DPYD: variants seen among roughly 807,000 people sequenced by gnomAD.
The protein encoded by DPYD is dihydropyrimidine dehydrogenase [NADP(+)].
A neutral mutation model predicts 116.2 loss-of-function variants in DPYD; 109 were observed. The observed-to-expected ratio is 0.94, with a 90% CI of 0.80 to 1.10. The LOEUF (loss-of-function observed/expected upper bound fraction) is 1.10, where lower values mean the gene tolerates loss of function less well. Ranked by LOEUF, DPYD falls within the 50% of genes least tolerant of loss-of-function variation. DPYD has a pLI of 0.00. For synonymous variants in DPYD, 440 were observed against 432.0 expected (o/e 1.02, Z -0.23); for missense variants, 1,302 against 1,254.5 (o/e 1.04, Z -0.57).
At chr1:97,425,572 A>G (rs1674819579) in intron 14 of DPYD, among the ~76,000 whole-genome samples, 1 of 152,134 alleles carries the variant, frequency 6.6e-6, no homozygotes, top group African/African-American at 2.4e-5. Context: ...GAAATTTAGA[A>G]AAGGTCTTTT....
chr1:97,409,815 C>T (rs1243737317), intron 14 of DPYD, among the ~76,000 whole-genome samples: 2 of 152,130 alleles, frequency 1.3e-5, no homozygotes, highest in South Asian at 2.1e-4. Flanking sequence ...AACTACAGGG[C>T]CAGGCACAAT....
At chr1:97,522,401 C>T (rs901276479) in intron 12 of DPYD, among the ~76,000 whole-genome samples, 1 of 152,086 alleles carries the variant, frequency 6.6e-6, no homozygotes, top group African/African-American at 2.4e-5. Context: ...CATATCTTAA[C>T]CAAATTATTA....
intron 3 of DPYD, among the ~76,000 whole-genome samples, chr1:97,774,174 G>A (rs192720183): frequency 6.6e-6 from 1 of 152,172 alleles, no homozygotes; most frequent in Non-Finnish European, 1.5e-5. Flanking sequence ...CTGTGAGGGG[G>A]ATAAGAGAAC....
chr1:97,084,548 C>T (rs1649380536), intron 21 of DPYD, among the ~76,000 whole-genome samples: 2 of 151,946 alleles, frequency 1.3e-5, no homozygotes, highest in Non-Finnish European at 2.9e-5. Flanking sequence ...CTAATGACAA[C>T]AGATACCTTT....
At chr1:97,739,577 G>C (rs1363218616) in intron 4 of DPYD, among the ~76,000 whole-genome samples, 1 of 152,014 alleles carries the variant, frequency 6.6e-6, no homozygotes, top group Non-Finnish European at 1.5e-5. Flanking sequence ...TACGTAAAAA[G>C]GCACCTGGTT....
chr1:97,779,803 A>G (rs369708042), intron 3 of DPYD, among the ~76,000 whole-genome samples: 18 of 152,058 alleles, frequency 1.2e-4, no homozygotes, highest in African/African-American at 3.6e-4. Context: ...TTATGTAACA[A>G]CTTGTTTCTA....
chr1:97,679,041 T>C (rs1660298272), intron 8 of DPYD, 54 bp downstream of exon 8: 3 of 863,294 alleles, frequency 3.5e-6, no homozygotes, highest in Admixed American at 6.0e-5. Flanking sequence ...TGGATATTGC[T>C]AGGAAATAAA....
intron 1 of DPYD, among the ~76,000 whole-genome samples, chr1:97,899,774 G>A (rs1449305293): frequency 2.0e-5 from 3 of 151,914 alleles, no homozygotes; most frequent in Non-Finnish European, 4.4e-5. Context: ...AGATTGATAC[G>A]TGGTCATGGG....
At chr1:97,654,838 G>T (rs533221476) in intron 8 of DPYD, among the ~76,000 whole-genome samples, 1 of 152,152 alleles carries the variant, frequency 6.6e-6, no homozygotes, top group South Asian at 2.1e-4. Context: ...CATGTGGACT[G>T]AGCTCGCAGT....
intron 13 of DPYD, among the ~76,000 whole-genome samples, chr1:97,491,871 A>G (rs998951134): frequency 7.9e-5 from 12 of 152,208 alleles, no homozygotes; most frequent in Admixed American, 5.9e-4. Context: ...AAATTCAGCA[A>G]TTCTCCAACC....
intron 13 of DPYD, among the ~76,000 whole-genome samples, chr1:97,507,074 C>T (rs1187309003): frequency 6.6e-6 from 1 of 151,956 alleles, no homozygotes; most frequent in Non-Finnish European, 1.5e-5. Flanking sequence ...GAAGAGCTTG[C>T]TAAATAGTCT....
chr1:97,664,315 T>C (rs1021965231), intron 8 of DPYD, among the ~76,000 whole-genome samples: 1 of 151,954 alleles, frequency 6.6e-6, no homozygotes, highest in Non-Finnish European at 1.5e-5. Flanking sequence ...TGTGTGTATG[T>C]GCATATATAT....
chr1:97,593,335 T>A lies in DPYD; in HGVS notation c.1011A>T (p.Val337=), dbSNP rs767903251. 4 of 1,614,100 alleles carry A rather than the reference T, an allele frequency of 2.5e-6. No individual in the cohort carries two copies. The highest frequency in any genetic ancestry group is 4.5e-5 in the East Asian group (2 of 44,860). Reference sequence around the variant, plus strand: ...CAAAGGCAGTGTCTCCAGCTCCAAGTACAATCACGACTCCCCGTATCGATG... The same window carrying A: ...CAAAGGCAGTGTCTCCAGCTCCAAGAACAATCACGACTCCCCGTATCGATG... ...PLPSIRGVVI[V]LGAGDTAFDC... The change falls in exon 10 of 23, where the codon GTA becomes GTT. Residue 337 remains valine, a synonymous_variant. Coordinates refer to ENST00000370192, the MANE Select transcript of DPYD (RefSeq NM_000110.4).
intron 1 of DPYD, among the ~76,000 whole-genome samples, chr1:97,892,044 T>A (rs941696819): frequency 6.6e-6 from 1 of 151,836 alleles, no homozygotes; most frequent in African/African-American, 2.4e-5. Flanking sequence ...TTATTCTGAG[T>A]TCTCTATAAG....
intron 11 of DPYD, among the ~76,000 whole-genome samples, chr1:97,559,039 T>C (rs756403953): frequency 3.3e-5 from 5 of 152,186 alleles, no homozygotes; most frequent in Non-Finnish European, 5.9e-5. Context: ...CTTGAAGGAA[T>C]AGATCATCCT....
At chr1:97,204,771 C>T (rs1346394578) in intron 19 of DPYD, among the ~76,000 whole-genome samples, 2 of 151,988 alleles carry the variant, frequency 1.3e-5, no homozygotes, top group African/African-American at 2.4e-5. Flanking sequence ...TGCTCCGTCA[C>T]TTTTGGTTTA....
chr1:97,257,565 A>T (rs1021558835), intron 18 of DPYD, among the ~76,000 whole-genome samples: 1 of 151,508 alleles, frequency 6.6e-6, no homozygotes, highest in African/African-American at 2.4e-5. Context: ...GTATATATAT[A>T]TTTGTGTATG....
At chr1:97,765,317 A>AT (rs1192472033) in intron 3 of DPYD, among the ~76,000 whole-genome samples, 1 of 152,164 alleles carries the variant, frequency 6.6e-6, no homozygotes, top group East Asian at 1.9e-4. Context: ...ATTTTCAGAA[A>AT]TTTGTGTTTA....
At chr1:97,224,250 T>G (rs1346450592) in intron 19 of DPYD, among the ~76,000 whole-genome samples, 1 of 152,052 alleles carries the variant, frequency 6.6e-6, no homozygotes, top group Non-Finnish European at 1.5e-5. Context: ...TAGGCCACGG[T>G]GTTACATCTG....
Sources: allele counts gnomAD v4.1 joint callset (sites outside exome capture counted in the v4.1 genomes callset), GRCh38; gene constraint gnomAD v4.1.1; transcripts MANE v1.5; gene names NCBI Gene and HGNC (gene_info 2026-07-23, HGNC 2026-07-21).